Variants in PCSK5 observed in about 807,000 individuals in gnomAD.
PCSK5 encodes prohormone convertase 5.
A neutral mutation model predicts 233.2 loss-of-function variants in PCSK5; 129 were observed. The ratio of observed to expected loss-of-function variants is 0.55; its 90% CI spans 0.48 to 0.64. The LOEUF is 0.64. PCSK5 is among the 30% of genes least tolerant of loss of function. The probability of loss-of-function intolerance (pLI) is 0.00; values close to 1 mark genes in which losing one functional copy is unlikely to be tolerated. For missense variants in PCSK5, 2,076 were observed against 2,430.1 expected (o/e 0.85, Z 3.06); for synonymous variants, 825 against 879.2 (o/e 0.94, Z 1.09).
At chr9:76,233,393 G>A in intron 21 of PCSK5, 67 bp from the exon 22 acceptor site, 1 of 1,519,178 alleles carries the variant, frequency 6.6e-7, no homozygotes, top group South Asian at 1.2e-5. Context: ...AATACCACAT[G>A]TTCTGATACT....
intron 8 of PCSK5, among the ~76,000 whole-genome samples, chr9:76,104,819 G>A (rs984533863): frequency 3.3e-5 from 4 of 122,980 alleles, no homozygotes; most frequent in African/African-American, 3.3e-5. Flanking sequence ...AATAAAACTT[G>A]GACAAAGGAA....
rs574993741 is a variant in PCSK5 at position 76,321,637 on chromosome 9, A to T, written c.4100A>T (p.Lys1367Ile). ...CQDCIHEKTC[K>I]ECTPEFFLHD... ...GACTGCATCCATGAGAAAACATGCA[A>T]AGGTACCTAGGAGCTTCCCACAGGA... Residue 1367 changes from lysine (K) to isoleucine (I), a missense_variant and splice_region_variant, in exon 31 of 38, where the codon AAA becomes ATA. Transcript: ENST00000674117. 32 of 1,605,888 alleles carry T rather than the reference A, an allele frequency of 2.0e-5. No homozygotes were observed. The South Asian group carries it at 3.4e-4, about 17-fold the overall frequency.
At chr9:76,063,319 CTTTTTTTTTTTTTTTTTTTT>C (rs1157596601) in intron 5 of PCSK5, among the ~76,000 whole-genome samples, 2 of 59,674 alleles carry the variant, frequency 3.4e-5, no homozygotes, top group African/African-American at 1.3e-4. Context: ...TTTCTTTTTT[CTTTTTTTTTTTTTTTTTTTT>C]TTTTTTTTTA....
chr9:76,199,098 C>A (rs544112506), intron 20 of PCSK5, among the ~76,000 whole-genome samples: 3 of 152,302 alleles, frequency 2.0e-5, no homozygotes, highest in African/African-American at 7.2e-5. Flanking sequence ...CAGCCATTGT[C>A]ACTTGACAGC....
chr9:76,351,508 GA>G (rs1327524172), intron 36 of PCSK5, among the ~76,000 whole-genome samples: 37 of 108,146 alleles, frequency 3.4e-4, no homozygotes, highest in East Asian at 6.5e-4. Context: ...AAGAAAGAAA[GA>G]AAGAAAGAAA....
At chr9:75,905,863 A>G (rs1291252599) in intron 1 of PCSK5, among the ~76,000 whole-genome samples, 1 of 152,158 alleles carries the variant, frequency 6.6e-6, no homozygotes, top group Non-Finnish European at 1.5e-5. Context: ...TCCCCTGTCC[A>G]TGGAAAAATT....
At chr9:76,063,540 C>T (rs1830119291) in intron 5 of PCSK5, among the ~76,000 whole-genome samples, 1 of 75,000 alleles carries the variant, frequency 1.3e-5, no homozygotes, top group Non-Finnish European at 2.6e-5. Context: ...TCTTAACGAG[C>T]ATGCTGCCTT....
In PCSK5 at chr9:76,349,273, CAAA is replaced by C. The variant is rs71372068; in HGVS notation, c.4967-1539_4967-1537del. Among the ~76,000 whole-genome samples, 8 of 66,492 alleles carry C rather than the reference CAAA, an allele frequency of 1.2e-4. No individual in the cohort carries two copies. In the Admixed American group the frequency reaches 1.3e-3, roughly 10 times the overall value. The allele number at this position is 66,492 out of a possible 152,430, so 43.6% of individuals were successfully genotyped here. On this transcript the variant is annotated intron_variant, in intron 35 of 37. Transcript: ENST00000674117. ...TGGGCGACAGAGCCAGACTCTGTCTCAAAAAAAAAAAAAAAAAAGAAAAAAGAA... is the reference window on the plus strand; with the variant it reads ...TGGGCGACAGAGCCAGACTCTGTCTCAAAAAAAAAAAAAAAGAAAAAAGAA...
intron 8 of PCSK5, among the ~76,000 whole-genome samples, chr9:76,102,575 TGG>T (rs1445717899): frequency 1.3e-5 from 2 of 152,200 alleles, no homozygotes; most frequent in African/African-American, 2.4e-5. Flanking sequence ...GATGTTGAAC[TGG>T]GGTAATGCAG....
chr9:76,185,858 A>G (rs1213854340), intron 17 of PCSK5, among the ~76,000 whole-genome samples: 1 of 152,202 alleles, frequency 6.6e-6, no homozygotes, highest in African/African-American at 2.4e-5. Flanking sequence ...TTGCTGGATT[A>G]TGATAAAGGT....
intron 1 of PCSK5, among the ~76,000 whole-genome samples, chr9:75,915,020 A>T (rs977948925): frequency 6.6e-6 from 1 of 152,204 alleles, no homozygotes; most frequent in Non-Finnish European, 1.5e-5. Flanking sequence ...GTTTAGGAAT[A>T]AGGTAAATGA....
chr9:76,247,950 A>G (rs1197609772), intron 24 of PCSK5, among the ~76,000 whole-genome samples: 1 of 151,658 alleles, frequency 6.6e-6, no homozygotes, highest in Non-Finnish European at 1.5e-5. Context: ...ACACCTGACT[A>G]ATTTTTTGTA....
chr9:76,052,996 A>G (rs1191827580), intron 5 of PCSK5, among the ~76,000 whole-genome samples: 1 of 152,212 alleles, frequency 6.6e-6, no homozygotes, highest in Non-Finnish European at 1.5e-5. Flanking sequence ...CATGTCTCAC[A>G]TCTAGGTCAC....
chr9:75,941,098 T>C lies in PCSK5; in HGVS notation c.297+8615T>C, dbSNP rs370043656. Among the ~76,000 whole-genome samples, 11 of 152,344 alleles carry C rather than the reference T, an allele frequency of 7.2e-5. No homozygotes were observed. The East Asian group carries it at 1.9e-3, about 27-fold the overall frequency. ...TTCAAGTGCTTCCTGTGTAGGCCACTGCTGCATTGCCTCTCTCCCAGCCTG... is the reference window on the plus strand; with the variant it reads ...TTCAAGTGCTTCCTGTGTAGGCCACCGCTGCATTGCCTCTCTCCCAGCCTG... On this transcript the variant is annotated intron_variant, in intron 2 of 37. Transcript: ENST00000674117.
chr9:76,065,709 A>G (rs147564736), intron 5 of PCSK5, among the ~76,000 whole-genome samples: 1 of 152,260 alleles, frequency 6.6e-6, no homozygotes, highest in East Asian at 1.9e-4. Context: ...TTGAGGTGTT[A>G]CTCAAAAAAA....
chr9:76,348,403 T>G (rs1419223140), intron 35 of PCSK5, among the ~76,000 whole-genome samples: 1 of 152,016 alleles, frequency 6.6e-6, no homozygotes, highest in Non-Finnish European at 1.5e-5. Flanking sequence ...AAAGCAAGAC[T>G]CTGTCTAAAA....
intron 24 of PCSK5, among the ~76,000 whole-genome samples, chr9:76,290,673 G>A (rs572506487): frequency 1.3e-5 from 2 of 152,358 alleles, no homozygotes; most frequent in South Asian, 2.1e-4. Context: ...AGATGAGCAT[G>A]ACCAAGTCAT....
At chr9:76,143,726 C>T (rs1438854234) in intron 10 of PCSK5, among the ~76,000 whole-genome samples, 1 of 134,940 alleles carries the variant, frequency 7.4e-6, no homozygotes, top group Non-Finnish European at 1.5e-5. Flanking sequence ...TGCTACATCC[C>T]ACTTTTTTTT....
At chr9:75,976,722 TTA>T (rs1024382409) in intron 2 of PCSK5, among the ~76,000 whole-genome samples, 43 of 150,928 alleles carry the variant, frequency 2.8e-4, no homozygotes, top group African/African-American at 1.0e-3. Context: ...TATTCAATAT[TTA>T]TGTTATTATG....
Sources: allele counts gnomAD v4.1 joint callset (sites outside exome capture counted in the v4.1 genomes callset), GRCh38; gene constraint gnomAD v4.1.1; transcripts MANE v1.5; gene names NCBI Gene and HGNC (gene_info 2026-07-23, HGNC 2026-07-21).